IQSEC3: variants seen among roughly 807,000 people sequenced by gnomAD.
The protein encoded by IQSEC3 is IQ motif and Sec7 domain ArfGEF 3, also known as IQ motif and SEC7 domain-containing protein 3.
IQSEC3 carries 50 observed loss-of-function variants against 105.4 expected under a neutral mutation model. The ratio of observed to expected loss-of-function variants is 0.47; its 90% CI spans 0.38 to 0.60. The LOEUF is 0.60. Ranked by LOEUF, IQSEC3 falls within the 20% of genes least tolerant of loss-of-function variation. The probability of loss-of-function intolerance (pLI) is 0.00; values close to 1 mark genes in which losing one functional copy is unlikely to be tolerated. For missense variants in IQSEC3, 1,415 were observed against 1,630.0 expected, an observed-to-expected ratio of 0.87 and a Z score of 2.27; for synonymous variants, 708 against 746.0, an observed-to-expected ratio of 0.95 and a Z score of 0.83.
At chr12:169,342 C>A (rs899245258) in intron 12 of IQSEC3, among the ~76,000 whole-genome samples, 1 of 152,192 alleles carries the variant, frequency 6.6e-6, no homozygotes, top group Non-Finnish European at 1.5e-5. Flanking sequence ...GTCTGGAGTC[C>A]GTGTGAGATG....
At chr12:113,940 G>C (rs1236311908) in intron 2 of IQSEC3, among the ~76,000 whole-genome samples, 3 of 152,200 alleles carry the variant, frequency 2.0e-5, no homozygotes, top group Admixed American at 6.5e-5. Flanking sequence ...TGTGGCACTT[G>C]AAAGCATAAA....
At chr12:70,732 G>A (rs1279510115) in intron 1 of IQSEC3, among the ~76,000 whole-genome samples, 1 of 152,282 alleles carries the variant, frequency 6.6e-6, no homozygotes, top group East Asian at 1.9e-4. Context: ...CATGCGTTTA[G>A]TGTCCATGGA....
chr12:100,510 A>G (rs554975412), intron 2 of IQSEC3, among the ~76,000 whole-genome samples: 50 of 152,314 alleles, frequency 3.3e-4, no homozygotes, highest in Middle Eastern at 3.4e-3. Context: ...ATTTTGCCTC[A>G]TAGGGGAGCC....
chr12:167,087 T>G (rs1938691998), intron 11 of IQSEC3: 1 of 152,176 alleles, frequency 6.6e-6, no homozygotes, highest in Admixed American at 6.5e-5. Flanking sequence ...AACTGCTTGG[T>G]GGGGAGGGGC....
chr12:162,187 T>A, intron 8 of IQSEC3, 122 bp downstream of exon 8: 1 of 1,141,986 alleles, frequency 8.8e-7, no homozygotes, highest in Non-Finnish European at 1.2e-6. Flanking sequence ...ATGATAGTTA[T>A]GAAGTACCTA....
Position 171,062 on chromosome 12 carries a change from G to A in IQSEC3, c.3065-50G>A, listed in dbSNP as rs571094230. The stretch of plus-strand genomic sequence containing the variant: ...TTGAGGGGCACAGGGGAGGGGCAGG[G>A]GCTTGGCTCAGCCGGTGGAGAATGA... On this transcript the variant is annotated intron_variant, in intron 12 of 13. Transcript: ENST00000538872. 35 of 1,609,516 alleles carry A rather than the reference G, an allele frequency of 2.2e-5. 1 individual carries two copies. In the South Asian group the frequency reaches 3.7e-4, roughly 17 times the overall value.
chr12:126,066 C>T (rs1865394702), intron 3 of IQSEC3, among the ~76,000 whole-genome samples, 154 bp downstream of exon 3: 1 of 152,222 alleles, frequency 6.6e-6, no homozygotes, highest in African/African-American at 2.4e-5. Flanking sequence ...CTAGTTTGCC[C>T]TTCCCTGGAC....
At chr12:172,190 C>G (rs1307363986) in intron 13 of IQSEC3, among the ~76,000 whole-genome samples, 1 of 152,108 alleles carries the variant, frequency 6.6e-6, no homozygotes, top group Non-Finnish European at 1.5e-5. Flanking sequence ...GCAGGATACC[C>G]CGGGGGAGCT....
At chr12:140,970 C>T (rs1371314088) in intron 4 of IQSEC3, 154 bp from the exon 5 acceptor site, 20 of 708,490 alleles carry the variant, frequency 2.8e-5, no homozygotes, top group Non-Finnish European at 4.3e-5. Flanking sequence ...TGCGTGAGGA[C>T]ATTCAGTGGG....
intron 2 of IQSEC3, among the ~76,000 whole-genome samples, chr12:120,248 A>G (rs1234968570): frequency 6.6e-6 from 1 of 152,172 alleles, no homozygotes; most frequent in African/African-American, 2.4e-5. Flanking sequence ...CGATTCCTGA[A>G]AGAGGTGACG....
chr12:170,322 T>C, intron 12 of IQSEC3, among the ~76,000 whole-genome samples: 1 of 152,126 alleles, frequency 6.6e-6, no homozygotes, highest in East Asian at 1.9e-4. Flanking sequence ...CCTGCCTCTC[T>C]TTTGGAAGCT....
Position 175,348 on chromosome 12 carries a change from G to C in IQSEC3, c.*315G>C. 1 of 343,652 alleles carries C rather than the reference G, an allele frequency of 2.9e-6. No individual in the cohort carries two copies. Among genetic ancestry groups the C allele is most frequent in the East Asian group, 4.7e-5 (1 of 21,350 alleles). 21.3% of individuals were successfully genotyped at this position (343,652 alleles called of 1,614,324 possible). ...GACCATGGACTGAAGAAAACGAGCT[G>C]AGGGTCTAACGAGCTTGCAGGCTTT... is the stretch of plus-strand genomic sequence containing the variant. On this transcript the variant is annotated 3_prime_UTR_variant, in exon 14 of 14. Transcript: ENST00000538872.
At chr12:72,544 G>A (rs1863359169) in intron 1 of IQSEC3, among the ~76,000 whole-genome samples, 1 of 133,620 alleles carries the variant, frequency 7.5e-6, no homozygotes, top group Non-Finnish European at 1.7e-5. Flanking sequence ...AGAGGCCCTG[G>A]GGACACTCTC....
chr12:92,353 C>G (rs185616346), intron 1 of IQSEC3, among the ~76,000 whole-genome samples: 39 of 152,330 alleles, frequency 2.6e-4, no homozygotes, highest in Middle Eastern at 6.8e-3. Context: ...GCCCCTCCAG[C>G]CGCAGAACTC....
chr12:162,128 C>G (rs1555096476), intron 8 of IQSEC3, 63 bp downstream of exon 8: 7 of 1,571,954 alleles, frequency 4.5e-6, no homozygotes. Flanking sequence ...GGCATCTCTT[C>G]CCATTCTCCT....
At chr12:159,824 A>G (rs1298355918) in intron 7 of IQSEC3, among the ~76,000 whole-genome samples, 3 of 151,980 alleles carry the variant, frequency 2.0e-5, no homozygotes, top group South Asian at 2.1e-4. Context: ...CTGCCCTCCA[A>G]TTTCTCTGGA....
chr12:148,439 T>G (rs567590010), intron 5 of IQSEC3: 2 of 152,186 alleles, frequency 1.3e-5, no homozygotes, highest in Admixed American at 6.5e-5. Context: ...GCTTCTAAAT[T>G]GTAAGGGTAG....
intron 1 of IQSEC3, among the ~76,000 whole-genome samples, chr12:70,146 G>C (rs1277362166): frequency 2.6e-5 from 4 of 152,284 alleles, no homozygotes; most frequent in Non-Finnish European, 5.9e-5. Flanking sequence ...TGGCTGAAGA[G>C]TGGGTGAGGG....
Position 163,623 on chromosome 12 carries a change from A to AGT in IQSEC3, c.2709+6_2709+7dup, listed in dbSNP as rs781786899. On this transcript the variant is annotated splice_donor_region_variant and intron_variant, in intron 9 of 13. Transcript: ENST00000538872. The stretch of plus-strand genomic sequence containing the variant: ...CCTCTTCAATGACCTGCTGGTGGTG[A>AGT]GTGGCCTCCGCTCCGGGACTGGGCT... 1 of 1,435,832 alleles carries AGT rather than the reference A, an allele frequency of 7.0e-7. No individual in the cohort carries two copies. Among genetic ancestry groups the AGT allele is most frequent in the African/African-American group, 1.4e-5 (1 of 71,328 alleles). The allele number at this position is 1,435,832 out of a possible 1,614,324, so 88.9% of individuals were successfully genotyped here.
Sources: gnomAD v4.1 joint callset for allele counts (sites outside exome capture counted in the v4.1 genomes callset) on GRCh38, gnomAD v4.1.1 for gene constraint, MANE v1.5 for transcripts, NCBI Gene and HGNC (gene_info 2026-07-23, HGNC 2026-07-21) for gene names.